ERC2: variants seen among roughly 807,000 people sequenced by gnomAD.
ERC2 encodes the protein ELKS/RAB6-interacting/CAST family member 2, also known as ERC protein 2.
In ERC2, 42 loss-of-function variants were observed where a neutral mutation model predicts 114.8. The ratio of observed to expected loss-of-function variants is 0.37; its 90% confidence interval spans 0.29 to 0.47. The LOEUF is 0.47. Ranked by LOEUF, ERC2 falls within the 20% of genes least tolerant of loss-of-function variation. The probability of loss-of-function intolerance (pLI) is 0.99; values close to 1 mark genes in which losing one functional copy is unlikely to be tolerated. For missense variants in ERC2, 939 were observed against 1,150.7 expected (o/e 0.82, Z 2.66); for synonymous variants, 454 against 425.5 (o/e 1.07, Z -0.82).
intron 14 of ERC2, among the ~76,000 whole-genome samples, chr3:55,840,410 T>TA (rs957170905): frequency 1.1e-4 from 17 of 151,640 alleles, no homozygotes; most frequent in Admixed American, 9.8e-4. Context: ...AAAGGCAAAA[T>TA]AAAACCACAA....
intron 8 of ERC2, among the ~76,000 whole-genome samples, chr3:56,017,768 C>A (rs2073407340): frequency 6.6e-6 from 1 of 152,098 alleles, no homozygotes; most frequent in African/African-American, 2.4e-5. Context: ...TTGTCTGTCT[C>A]CCCATCACCT....
At chr3:55,979,002 A>T (rs568784975) in intron 12 of ERC2, among the ~76,000 whole-genome samples, 1 of 152,332 alleles carries the variant, frequency 6.6e-6, no homozygotes, top group South Asian at 2.1e-4. Flanking sequence ...TAGGACACCT[A>T]TCTGCCAATT....
At chr3:56,086,723 T>G (rs1426282447) in intron 6 of ERC2, among the ~76,000 whole-genome samples, 1 of 152,062 alleles carries the variant, frequency 6.6e-6, no homozygotes, top group East Asian at 1.9e-4. Flanking sequence ...AATATCTAGT[T>G]CCAAATTAGG....
At chr3:55,919,195 A>G (rs536182959) in intron 13 of ERC2, among the ~76,000 whole-genome samples, 3 of 152,274 alleles carry the variant, frequency 2.0e-5, no homozygotes, top group South Asian at 4.2e-4. Context: ...CCTGGGCAAC[A>G]TAACAAGACC....
intron 7 of ERC2, among the ~76,000 whole-genome samples, chr3:56,048,954 G>A (rs2075621265): frequency 1.3e-5 from 2 of 152,188 alleles, no homozygotes; most frequent in Admixed American, 1.3e-4. Flanking sequence ...TCTTGGAGGA[G>A]GTGATATCTA....
intron 3 of ERC2, among the ~76,000 whole-genome samples, chr3:56,231,648 T>A (rs1018863572): frequency 3.9e-5 from 6 of 152,238 alleles, no homozygotes; most frequent in African/African-American, 1.4e-4. Flanking sequence ...AGAGTTATGA[T>A]ACATTTATCT....
intron 10 of ERC2, among the ~76,000 whole-genome samples, chr3:56,005,106 G>T (rs565981517): frequency 6.6e-6 from 1 of 152,106 alleles, no homozygotes; most frequent in Admixed American, 6.6e-5. Context: ...GCATTTGCAG[G>T]TTAGACATAA....
chr3:56,194,450 C>T (rs778664851), intron 3 of ERC2, among the ~76,000 whole-genome samples: 7 of 151,996 alleles, frequency 4.6e-5, no homozygotes, highest in Non-Finnish European at 1.0e-4. Context: ...AGAGTGAGAC[C>T]GTCTCTTAAA....
At chr3:55,989,457 C>T (rs769765991) in intron 11 of ERC2, among the ~76,000 whole-genome samples, 80 of 152,216 alleles carry the variant, frequency 5.3e-4, no homozygotes, top group Non-Finnish European at 1.1e-3. Context: ...AAGCGTGAAG[C>T]ACATCACTTT....
chr3:55,529,650 A>G (rs1465724622), intron 17 of ERC2, among the ~76,000 whole-genome samples: 1 of 152,178 alleles, frequency 6.6e-6, no homozygotes, highest in Admixed American at 6.5e-5. Flanking sequence ...GACATTGTGC[A>G]AAGGAGTGAC....
intron 14 of ERC2, among the ~76,000 whole-genome samples, chr3:55,753,803 A>T (rs1250791398): frequency 6.6e-6 from 1 of 152,202 alleles, no homozygotes. Context: ...AAACTTAAAC[A>T]ATGATCAGTT....
At chr3:56,155,163 T>G (rs2081627783) in intron 4 of ERC2, among the ~76,000 whole-genome samples, 1 of 152,194 alleles carries the variant, frequency 6.6e-6, no homozygotes, top group African/African-American at 2.4e-5. Context: ...GAACTGCATC[T>G]TCGCAACATC....
chr3:55,583,276 T>C (rs1348720687), intron 17 of ERC2, among the ~76,000 whole-genome samples: 1 of 152,054 alleles, frequency 6.6e-6, no homozygotes, highest in African/African-American at 2.4e-5. Context: ...TCTAAAGAAA[T>C]CACAATGTAA....
intron 17 of ERC2, among the ~76,000 whole-genome samples, chr3:55,618,578 G>A (rs1446497052): frequency 2.6e-5 from 4 of 152,130 alleles, no homozygotes; most frequent in Admixed American, 1.3e-4. Flanking sequence ...ACAATGTTAA[G>A]TTCAAAAAGC....
At chr3:56,252,489 T>C (rs557418621) in intron 3 of ERC2, among the ~76,000 whole-genome samples, 204 of 152,206 alleles carry the variant, frequency 1.3e-3, no homozygotes, top group Non-Finnish European at 2.6e-3. Context: ...GCACAGTGGC[T>C]CATGCCTGTA....
chr3:56,249,136 T>C (rs1372352643), intron 3 of ERC2, among the ~76,000 whole-genome samples: 2 of 152,216 alleles, frequency 1.3e-5, no homozygotes, highest in African/African-American at 2.4e-5. Flanking sequence ...TGGGTTCTTA[T>C]TATCAGGAGA....
chr3:56,311,231 TTCTCTCTCTCTCTCTCTC>T (rs370683995), intron 2 of ERC2, among the ~76,000 whole-genome samples: 88 of 96,252 alleles, frequency 9.1e-4, no homozygotes, highest in Middle Eastern at 6.4e-3. Context: ...ATCCATCATC[TTCTCTCTCTCTCTCTCTC>T]TCTCTCTATA....
intron 2 of ERC2, among the ~76,000 whole-genome samples, chr3:56,389,844 C>G (rs1485245268): frequency 6.6e-6 from 1 of 152,118 alleles, no homozygotes; most frequent in Non-Finnish European, 1.5e-5. Context: ...AGGAATCTGC[C>G]CTGCCTTTAA....
At chr3:56,383,497 T>C (rs1024036805) in intron 2 of ERC2, among the ~76,000 whole-genome samples, 1 of 152,202 alleles carries the variant, frequency 6.6e-6, no homozygotes, top group Non-Finnish European at 1.5e-5. Flanking sequence ...TTTTTGTTTG[T>C]TTCATTCATT....
Sources: gnomAD v4.1 joint callset for allele counts (sites outside exome capture counted in the v4.1 genomes callset) on GRCh38, gnomAD v4.1.1 for gene constraint, MANE v1.5 for transcripts, NCBI Gene and HGNC (gene_info 2026-07-23, HGNC 2026-07-21) for gene names.